Variants in ASB18 observed in about 807,000 individuals in gnomAD.
The protein encoded by ASB18 is ankyrin repeat and SOCS box protein 18.
A neutral mutation model predicts 33.4 loss-of-function variants in ASB18; 33 were observed. The ratio of observed to expected loss-of-function variants is 0.99; its 90% CI spans 0.75 to 1.32. The LOEUF is 1.32. Among genes scored for constraint, ASB18 ranks in the 40% most tolerant of loss-of-function variants. The pLI, the probability that ASB18 is intolerant of heterozygous loss-of-function variation, is 0.00. For missense variants in ASB18, 694 were observed against 655.5 expected (o/e 1.06, Z -0.64); for synonymous variants, 295 against 307.6 (o/e 0.96, Z 0.43).
rs965963516 is a variant in ASB18, at chr2:236,256,188, G to C, written c.205+7953C>G. ...CTATAGGTGTGTGCCATCATGCCCAGGCTAATTGGTGTATTTTTTGTAGAG... is the reference window on the plus strand; with the variant it reads ...CTATAGGTGTGTGCCATCATGCCCACGCTAATTGGTGTATTTTTTGTAGAG... On this transcript the variant is annotated intron_variant, in intron 1 of 5. Transcript: ENST00000409749. The surrounding 1 kb of genome is among the most constrained non-coding windows in gnomAD (Gnocchi z 4.7). Among the ~76,000 whole-genome samples the C allele has an allele frequency of 5.9e-5, 9 of 151,994 alleles. No individual in the cohort carries two copies. The highest frequency in any genetic ancestry group is 1.2e-4 in the Non-Finnish European group (8 of 68,000).
chr2:236,249,541 A>G lies in ASB18; in HGVS notation c.206-8139T>C, dbSNP rs945181422. 6.6e-6 allele frequency: 1 copy of G among 152,114 alleles called. No individual in the cohort carries two copies. The highest frequency in any genetic ancestry group is 1.5e-5 in the Non-Finnish European group (1 of 68,030). 9.4% of individuals were successfully genotyped at this position (152,114 alleles called of 1,614,324 possible). A position where few individuals can be genotyped will look rare whatever the true frequency, so the allele number is the denominator to read the frequency against. On this transcript the variant is annotated intron_variant, in intron 1 of 5. Transcript: ENST00000409749. The surrounding 1 kb of genome is among the most constrained non-coding windows in gnomAD (Gnocchi z 4.6). ...TAGGGCCCATGGGGTTTCAACGTCTATTCCAGGGTGTTGGTCAAGGAAATG... is the reference window on the plus strand; with the variant it reads ...TAGGGCCCATGGGGTTTCAACGTCTGTTCCAGGGTGTTGGTCAAGGAAATG...
chr2:236,248,721 A>G lies in ASB18; in HGVS notation c.206-7319T>C, dbSNP rs1032707571. 4 of 152,218 alleles carry G rather than the reference A, an allele frequency of 2.6e-5. No individual in the cohort carries two copies. The highest frequency in any genetic ancestry group is 9.6e-5 in the African/African-American group (4 of 41,454). The allele number at this position is 152,218 out of a possible 1,614,324, so 9.4% of individuals were successfully genotyped here. A position where few individuals can be genotyped will look rare whatever the true frequency, so the allele number is the denominator to read the frequency against. On this transcript the variant is annotated intron_variant, in intron 1 of 5. Transcript: ENST00000409749. This position sits in a 1 kb window ranked among gnomAD's most constrained non-coding sequence, Gnocchi z 4.9. ...TGCAATGTGGTGTGGAATGCCTTTT[A>G]TCCCTGGACTTACCCCATTTTGTGT...
At position 236,214,862 on chromosome 2, in the gene ASB18, C is replaced by T. The variant is rs2060479995; in HGVS notation, c.601G>A (p.Ala201Thr). Residue 201 changes from alanine (A) to threonine (T), a missense_variant, in exon 4 of 6, where the codon GCG becomes ACG. Transcript: ENST00000409749. This position sits in a 1 kb window ranked among gnomAD's most constrained non-coding sequence, Gnocchi z 6.5. Reference sequence around the variant, plus strand: ...GCCCCGTGCTCCAGCAGCGCCTGCGCGCACCTGTGGGAAGCCAGGGCCTGT... The same window carrying T: ...GCCCCGTGCTCCAGCAGCGCCTGCGTGCACCTGTGGGAAGCCAGGGCCTGT... ...LCRTAASLGC[A>T]QALLEHGASV... 4 of 1,210,538 alleles carry T rather than the reference C, an allele frequency of 3.3e-6. No individual in the cohort carries two copies. The highest frequency in any genetic ancestry group is 4.4e-5 in the Admixed American group (1 of 22,858). 75.0% of individuals were successfully genotyped at this position (1,210,538 alleles called of 1,614,324 possible). A position where few individuals can be genotyped will look rare whatever the true frequency, so the allele number is the denominator to read the frequency against.
At chr2:236,261,453 T>C (rs2060718248) in intron 1 of ASB18, among the ~76,000 whole-genome samples, 1 of 152,234 alleles carries the variant, frequency 6.6e-6, no homozygotes, top group Non-Finnish European at 1.5e-5. Context: ...AATGAACGTC[T>C]GACCGTGTTG....
chr2:236,198,026 G>A (rs2060382565), intron 4 of ASB18, among the ~76,000 whole-genome samples: 1 of 152,226 alleles, frequency 6.6e-6, no homozygotes, highest in East Asian at 1.9e-4. Flanking sequence ...ACCACTACCG[G>A]GGCCTGCCCT....
rs1303275011 is a variant in ASB18, at chr2:236,195,355, A to G, written c.1216-298T>C. 6.6e-6 allele frequency among the ~76,000 whole-genome samples: 1 copy of G among 152,032 alleles called. No individual in the cohort carries two copies. The highest frequency in any genetic ancestry group is 1.5e-5 in the Non-Finnish European group (1 of 68,002). On this transcript the variant is annotated intron_variant, in intron 5 of 5. Transcript: ENST00000409749. The surrounding 1 kb of genome is among the most constrained non-coding windows in gnomAD (Gnocchi z 5.5). ...TCCATCCTCTTTGCACAGCAGCCCT[A>G]CAGCTCCGGGGTGGCCCTGTTCATC...
chr2:236,200,761 T>C lies in ASB18; in HGVS notation c.1102-4376A>G, dbSNP rs933889311. Among the ~76,000 whole-genome samples, 41 of 152,360 alleles carry C rather than the reference T, an allele frequency of 2.7e-4. No individual in the cohort carries two copies. Among genetic ancestry groups the C allele is most frequent in the African/African-American group, 9.6e-4 (40 of 41,588 alleles). On this transcript the variant is annotated intron_variant, in intron 4 of 5. Transcript: ENST00000409749. The surrounding 1 kb of genome is among the most constrained non-coding windows in gnomAD (Gnocchi z 4.2). ...TCGATGAATAAGCACCCTTTTCTCATTTGAAATTCACTGTAATTGTATTTT... is the reference window on the plus strand; with the variant it reads ...TCGATGAATAAGCACCCTTTTCTCACTTGAAATTCACTGTAATTGTATTTT...
rs979147403 is a variant in ASB18, at chr2:236,217,694, G to A, written c.597-2828C>T. 6.6e-6 allele frequency among the ~76,000 whole-genome samples: 1 copy of A among 152,100 alleles called. No individual in the cohort carries two copies. Among genetic ancestry groups the A allele is most frequent in the Non-Finnish European group, 1.5e-5 (1 of 68,026 alleles). ...AATCCATTTATATTTTTACCTAGAG[G>A]CTCTCAGTATTTTAAATTCTCCCTT... On this transcript the variant is annotated intron_variant, in intron 3 of 5. Coordinates refer to ENST00000409749, the MANE Select transcript of ASB18 (RefSeq NM_212556.4). The surrounding 1 kb of genome is among the most constrained non-coding windows in gnomAD (Gnocchi z 5.2).
chr2:236,245,606 C>G lies in ASB18; in HGVS notation c.206-4204G>C, dbSNP rs943457245. Among the ~76,000 whole-genome samples the G allele has an allele frequency of 2.6e-5, 4 of 152,186 alleles. No individual in the cohort carries two copies. The highest frequency in any genetic ancestry group is 7.2e-5 in the African/African-American group (3 of 41,454). ...CAGCCTCGCTCATCCTCCAACACAG[C>G]TTAGCCTCCCTTGACCTCCAAGACC... On this transcript the variant is annotated intron_variant, in intron 1 of 5. Transcript: ENST00000409749. This position sits in a 1 kb window ranked among gnomAD's most constrained non-coding sequence, Gnocchi z 4.7.
At position 236,218,931 on chromosome 2, in the gene ASB18, G is replaced by A. The variant is rs115999339; in HGVS notation, c.597-4065C>T. On this transcript the variant is annotated intron_variant, in intron 3 of 5. Coordinates refer to ENST00000409749, the MANE Select transcript of ASB18 (RefSeq NM_212556.4). ...ATCATCTAGCCTGGAGTGCAGTGGC[G>A]TGATCATGGCTCACTGCAGCCCTGA... Among the ~76,000 whole-genome samples, 1,469 of 151,548 alleles carry A rather than the reference G, an allele frequency of 9.7e-3. 34 individuals carry two copies. The highest frequency in any genetic ancestry group is 0.032 in the African/African-American group (1,327 of 41,280).
chr2:236,214,856 C>A lies in ASB18; in HGVS notation c.607G>T (p.Ala203Ser). The change falls in exon 4 of 6, where the codon GCG becomes TCG. Residue 203 changes from alanine (A) to serine (S), a missense_variant. Coordinates refer to ENST00000409749, the MANE Select transcript of ASB18 (RefSeq NM_212556.4). This position sits in a 1 kb window ranked among gnomAD's most constrained non-coding sequence, Gnocchi z 6.5. ...RTAASLGCAQ[A>S]LLEHGASVQR... ...ACCGAGGCCCCGTGCTCCAGCAGCG[C>A]CTGCGCGCACCTGTGGGAAGCCAGG... The A allele has an allele frequency of 8.3e-7, 1 of 1,210,368 alleles. No individual in the cohort carries two copies. Among genetic ancestry groups the A allele is most frequent in the Non-Finnish European group, 1.0e-6 (1 of 973,998 alleles). The allele number at this position is 1,210,368 out of a possible 1,614,324, so 75.0% of individuals were successfully genotyped here. A position where few individuals can be genotyped will look rare whatever the true frequency, so the allele number is the denominator to read the frequency against.
chr2:236,197,754 G>A (rs549512847), intron 4 of ASB18, among the ~76,000 whole-genome samples: 9 of 152,072 alleles, frequency 5.9e-5, no homozygotes, highest in East Asian at 1.9e-4. Context: ...CCTGGGAGGC[G>A]GAGGTTGCGG....
At chr2:236,230,110 C>G (rs1331633232) in intron 3 of ASB18, among the ~76,000 whole-genome samples, 2 of 151,506 alleles carry the variant, frequency 1.3e-5, no homozygotes, top group African/African-American at 4.9e-5. Flanking sequence ...TATATTCCAC[C>G]TGTTTGAGAA....
chr2:236,236,747 C>T (rs978847064), intron 3 of ASB18, among the ~76,000 whole-genome samples: 1 of 151,682 alleles, frequency 6.6e-6, no homozygotes, highest in Non-Finnish European at 1.5e-5. Context: ...GCAACTTTGA[C>T]AGTCGGTGGA....
chr2:236,210,139 C>A (rs1002771788), intron 4 of ASB18, among the ~76,000 whole-genome samples: 1 of 152,170 alleles, frequency 6.6e-6, no homozygotes, highest in African/African-American at 2.4e-5. Flanking sequence ...GGCAGCTCCA[C>A]CAGGGTGGGA....
rs1466053868 is a variant in ASB18, at chr2:236,262,960, C to T, written c.205+1181G>A. ...GCACCCTGCAAGCTCCATTCCCTAG[C>T]AGCAACTCCCACTCATGTCCCATCT... On this transcript the variant is annotated intron_variant, in intron 1 of 5. Transcript: ENST00000409749. The surrounding 1 kb of genome is among the most constrained non-coding windows in gnomAD (Gnocchi z 5.2). Among the ~76,000 whole-genome samples, 1 of 152,198 alleles carries T rather than the reference C, an allele frequency of 6.6e-6. No homozygotes were observed. Among genetic ancestry groups the T allele is most frequent in the Non-Finnish European group, 1.5e-5 (1 of 68,040 alleles).
At position 236,252,605 on chromosome 2, in the gene ASB18, A is replaced by G. The variant is rs985183393; in HGVS notation, c.206-11203T>C. Among the ~76,000 whole-genome samples, 6 of 152,094 alleles carry G rather than the reference A, an allele frequency of 3.9e-5. No individual in the cohort carries two copies. The highest frequency in any genetic ancestry group is 7.4e-5 in the Non-Finnish European group (5 of 68,016). On this transcript the variant is annotated intron_variant, in intron 1 of 5. Transcript: ENST00000409749. The surrounding 1 kb of genome is among the most constrained non-coding windows in gnomAD (Gnocchi z 7.9). ...GAGCTATACCCTATGTTCTGGCCTG[A>G]GCAAGAGGCAGGTGTCACTAGCCAC...
In ASB18 at chr2:236,196,178, C is replaced by CTT. The variant is rs776586923; in HGVS notation, c.1215+92_1215+93dup. On this transcript the variant is annotated intron_variant, in intron 5 of 5. Coordinates refer to ENST00000409749, the MANE Select transcript of ASB18 (RefSeq NM_212556.4). The surrounding 1 kb of genome is among the most constrained non-coding windows in gnomAD (Gnocchi z 5.6). ...TTCTTCCTTTTTCAGATGTATAATA[C>CTT]TTAGCCGAATATCAGTGCAAAACTC... 37 of 736,442 alleles carry CTT rather than the reference C, an allele frequency of 5.0e-5. No homozygotes were observed. Among genetic ancestry groups the CTT allele is most frequent in the Non-Finnish European group, 4.0e-5 (16 of 402,602 alleles). 45.6% of individuals were successfully genotyped at this position (736,442 alleles called of 1,614,324 possible).
chr2:236,257,158 T>G lies in ASB18; in HGVS notation c.205+6983A>C, dbSNP rs2060696255. Among the ~76,000 whole-genome samples, 1 of 152,212 alleles carries G rather than the reference T, an allele frequency of 6.6e-6. No individual in the cohort carries two copies. Among genetic ancestry groups the G allele is most frequent in the Admixed American group, 6.5e-5 (1 of 15,280 alleles). ...CAAGAATTTTGCAATCAGCGTTAAT[T>G]AAGAAGATGGGACAATAATTTGTGC... On this transcript the variant is annotated intron_variant, in intron 1 of 5. Transcript: ENST00000409749. The surrounding 1 kb of genome is among the most constrained non-coding windows in gnomAD (Gnocchi z 5.5).
Sources: gnomAD v4.1 joint callset for allele counts (sites outside exome capture counted in the v4.1 genomes callset) on GRCh38, gnomAD v4.1.1 for gene constraint, Gnocchi (gnomAD v3.1) non-coding constraint, MANE v1.5 for transcripts, NCBI Gene and HGNC (gene_info 2026-07-23, HGNC 2026-07-21) for gene names.